Variants in WNT2B observed in about 807,000 individuals in gnomAD.
WNT2B encodes protein Wnt-2b.
Under a neutral mutation model 40.5 loss-of-function variants are expected in WNT2B, and 19 were observed. The observed-to-expected ratio is 0.47, with a 90% CI of 0.33 to 0.69. WNT2B has a LOEUF of 0.69. Among genes scored for constraint, WNT2B ranks in the 30% least tolerant of loss-of-function variants. The pLI is 0.02. For synonymous variants in WNT2B, 220 were observed against 211.9 expected, an observed-to-expected ratio of 1.04 and a Z score of -0.33; for missense variants, 467 against 556.4, an observed-to-expected ratio of 0.84 and a Z score of 1.62.
At chr1:112,494,389 G>A (rs1651704671) in intron 1 of WNT2B, among the ~76,000 whole-genome samples, 1 of 151,260 alleles carries the variant, frequency 6.6e-6, no homozygotes, top group East Asian at 1.9e-4. Context: ...TATATTTTAA[G>A]ACACGGTCTT....
intron 1 of WNT2B, among the ~76,000 whole-genome samples, chr1:112,480,238 G>T (rs1651183567): frequency 6.6e-6 from 1 of 151,740 alleles, no homozygotes; most frequent in African/African-American, 2.4e-5. Flanking sequence ...GTGGTGGCAG[G>T]CACTTATAAT....
At chr1:112,484,286 T>TATATATACAC (rs1651341699) in intron 1 of WNT2B, among the ~76,000 whole-genome samples, 1 of 116,860 alleles carries the variant, frequency 8.6e-6, no homozygotes, top group African/African-American at 3.4e-5. Flanking sequence ...TATATATATA[T>TATATATACAC]ATATACACAC....
chr1:112,469,062 G>T (rs1365625615), intron 1 of WNT2B, among the ~76,000 whole-genome samples: 1 of 152,148 alleles, frequency 6.6e-6, no homozygotes, highest in East Asian at 1.9e-4. Flanking sequence ...TGAAGAGGGT[G>T]TTCTTTCCCC....
intron 1 of WNT2B, among the ~76,000 whole-genome samples, chr1:112,484,208 TATATATATACACATATATATATACAC>T (rs1415575551): frequency 5.9e-5 from 8 of 136,648 alleles, no homozygotes; most frequent in African/African-American, 9.0e-5. Context: ...AAAAATTTTA[TATATATATACACATATATATATACAC>T]ATATATATAC....
chr1:112,514,698 T>C lies in WNT2B; in HGVS notation c.183-176T>C, dbSNP rs767868720. On this transcript the variant is annotated intron_variant, in intron 1 of 4. Transcript: ENST00000369684. ...ACTCTCTCTGCAACTGTATAACTAT[T>C]AATACTTCTTCAGAACTGTGGGAAA... 4.6e-6 allele frequency: 3 copies of C among 653,292 alleles called. No homozygotes were observed. The Admixed American group carries it at 7.4e-5, about 16-fold the overall frequency. 40.5% of individuals were successfully genotyped at this position (653,292 alleles called of 1,614,324 possible).
chr1:112,524,575 C>G lies in WNT2B; in HGVS notation c.*4066C>G, dbSNP rs1653125693. On this transcript the variant is annotated 3_prime_UTR_variant, in exon 5 of 5. Transcript: ENST00000369684. ...GGAGAGCTTCACATTACACAGAGACCTGTAGCTCACACCTGGTTATTGATG... is the reference window on the plus strand; with the variant it reads ...GGAGAGCTTCACATTACACAGAGACGTGTAGCTCACACCTGGTTATTGATG... 1 of 152,664 alleles carries G rather than the reference C, an allele frequency of 6.6e-6. No homozygotes were observed. Among genetic ancestry groups the G allele is most frequent in the African/African-American group, 2.4e-5 (1 of 41,436 alleles). The allele number at this position is 152,664 out of a possible 1,614,324, so 9.5% of individuals were successfully genotyped here.
chr1:112,485,156 T>A lies in WNT2B; in HGVS notation c.-95+17565T>A, dbSNP rs138029865. Among the ~76,000 whole-genome samples the A allele has an allele frequency of 3.0e-3, 460 of 152,322 alleles. 2 individuals carry two copies. The highest frequency in any genetic ancestry group is 0.01 in the African/African-American group (435 of 41,578). ...TGTCACTATCTAACTTCAAAGCTTT[T>A]TATAAAGTTATAGTCGTCAGGCCTG... On this transcript the variant is annotated intron_variant, in intron 1 of 4. Coordinates refer to the WNT2B transcript ENST00000256640.
upstream of WNT2B, among the ~76,000 whole-genome samples, chr1:112,508,249 G>T (rs764338052): frequency 1.3e-4 from 20 of 151,828 alleles, no homozygotes; most frequent in Non-Finnish European, 2.9e-5. The surrounding 1 kb of genome is among the most constrained non-coding windows in gnomAD (Gnocchi z 4.2). Context: ...ACTGAGCTCC[G>T]CTGAGCCCAG....
At position 112,520,777 on chromosome 1, in the gene WNT2B, A is replaced by G; in HGVS notation, c.*268A>G. On this transcript the variant is annotated 3_prime_UTR_variant, in exon 5 of 5. Coordinates refer to ENST00000369684, the MANE Select transcript of WNT2B (RefSeq NM_024494.3). The stretch of plus-strand genomic sequence containing the variant: ...AGAGTAGAAGAGATAGGGGGTCTTT[A>G]GAGTGAAATGAGTTGCACTAAAGTA... 1 of 509,406 alleles carries G rather than the reference A, an allele frequency of 2.0e-6. No homozygotes were observed. The highest frequency in any genetic ancestry group is 3.5e-6 in the Non-Finnish European group (1 of 286,442). The allele number at this position is 509,406 out of a possible 1,614,324, so 31.6% of individuals were successfully genotyped here. A position where few individuals can be genotyped will look rare whatever the true frequency, so the allele number is the denominator to read the frequency against.
intron 1 of WNT2B, among the ~76,000 whole-genome samples, chr1:112,499,779 A>G (rs1651889758): frequency 2.0e-5 from 3 of 152,240 alleles, no homozygotes; most frequent in South Asian, 4.1e-4. Context: ...AGAAAGAAAA[A>G]TAACTCAGAC....
intron 1 of WNT2B, among the ~76,000 whole-genome samples, chr1:112,503,202 C>T (rs1267175688): frequency 6.6e-6 from 1 of 152,112 alleles, no homozygotes; most frequent in African/African-American, 2.4e-5. Context: ...ACTGGAGTCC[C>T]TGGGATACTG....
In WNT2B at chr1:112,509,066, C is replaced by G. The variant is rs537032799; in HGVS notation, c.-197C>G. The G allele has an allele frequency of 1.6e-4, 223 of 1,353,234 alleles. 2 individuals are homozygous for G. In the Admixed American group the frequency reaches 7.4e-3, roughly 45 times the overall value. The allele number at this position is 1,353,234 out of a possible 1,614,324, so 83.8% of individuals were successfully genotyped here. ...GACCCCGGGTTCGGCACGCCGTCGT[C>G]GGCTTCCGGACATCGCAACTTGCGC... On this transcript the variant is annotated 5_prime_UTR_variant, in exon 1 of 5. Transcript: ENST00000369684. The surrounding 1 kb of genome is among the most constrained non-coding windows in gnomAD (Gnocchi z 4.2).
rs149843596 is a variant in WNT2B, at chr1:112,486,844, G to A, written c.-95+19253G>A. Reference sequence around the variant, plus strand: ...AACTTTTTATATTATGTGTTGACGAGAATGTAGAGCAACTAGAACTGCAAA... The same window carrying A: ...AACTTTTTATATTATGTGTTGACGAAAATGTAGAGCAACTAGAACTGCAAA... On this transcript the variant is annotated intron_variant, in intron 1 of 4. Transcript: ENST00000256640. 3.0e-3 allele frequency among the ~76,000 whole-genome samples: 459 copies of A among 152,248 alleles called. 2 individuals are homozygous for A. Among genetic ancestry groups the A allele is most frequent in the African/African-American group, 0.01 (434 of 41,558 alleles).
rs1653002076 is a variant in WNT2B at position 112,523,618 on chromosome 1, T to C, written c.*3109T>C. On this transcript the variant is annotated 3_prime_UTR_variant, in exon 5 of 5. Coordinates refer to ENST00000369684, the MANE Select transcript of WNT2B (RefSeq NM_024494.3). Reference sequence around the variant, plus strand: ...ATCACCCCTTCTCCCAGCCCTCTTCTATTTGATAGAGGTCTGTCCCTCAGA... The same window carrying C: ...ATCACCCCTTCTCCCAGCCCTCTTCCATTTGATAGAGGTCTGTCCCTCAGA... 6.6e-6 allele frequency: 1 copy of C among 152,204 alleles called. No individual in the cohort carries two copies. Among genetic ancestry groups the C allele is most frequent in the Non-Finnish European group, 1.5e-5 (1 of 68,042 alleles). The allele number at this position is 152,204 out of a possible 1,614,324, so 9.4% of individuals were successfully genotyped here. A position where few individuals can be genotyped will look rare whatever the true frequency, so the allele number is the denominator to read the frequency against.
At chr1:112,482,413 G>A (rs1214708514) in intron 1 of WNT2B, among the ~76,000 whole-genome samples, 1 of 152,198 alleles carries the variant, frequency 6.6e-6, no homozygotes, top group African/African-American at 2.4e-5. Context: ...ATAGCTCACT[G>A]TAGTCTTAAA....
chr1:112,505,921 C>T (rs540463553), upstream of WNT2B, among the ~76,000 whole-genome samples: 7 of 152,236 alleles, frequency 4.6e-5, no homozygotes, highest in East Asian at 9.7e-4. Context: ...TCACCCACTT[C>T]CTTCCCTCTC....
chr1:112,484,258 CATATATATATACACATAT>C (rs1651334337), intron 1 of WNT2B, among the ~76,000 whole-genome samples: 1 of 110,464 alleles, frequency 9.1e-6, no homozygotes, highest in South Asian at 2.9e-4. Context: ...TATATATACA[CATATATATATACACATAT>C]ATATATATAT....
chr1:112,509,471 G>A lies in WNT2B; in HGVS notation c.182+27G>A. 6.5e-7 allele frequency: 1 copy of A among 1,544,348 alleles called. No homozygotes were observed. The highest frequency in any genetic ancestry group is 8.6e-7 in the Non-Finnish European group (1 of 1,160,596). On this transcript the variant is annotated intron_variant, in intron 1 of 4. Transcript: ENST00000369684. This position sits in a 1 kb window ranked among gnomAD's most constrained non-coding sequence, Gnocchi z 4.2. ...TAAGTGTGGCTCTCAGGCTGGGCGGGTGAGGCGCTTGGTAGGAGAGGCCGG... is the reference window on the plus strand; with the variant it reads ...TAAGTGTGGCTCTCAGGCTGGGCGGATGAGGCGCTTGGTAGGAGAGGCCGG...
chr1:112,472,894 T>C (rs1570759461), intron 1 of WNT2B, among the ~76,000 whole-genome samples: 1 of 147,374 alleles, frequency 6.8e-6, no homozygotes, highest in Admixed American at 6.8e-5. Context: ...GCTTGGGAGA[T>C]TGATGCTGCC....
Sources: allele counts gnomAD v4.1 joint callset (sites outside exome capture counted in the v4.1 genomes callset), GRCh38; gene constraint gnomAD v4.1.1; non-coding constraint Gnocchi (gnomAD v3.1); transcripts MANE v1.5; gene names NCBI Gene and HGNC (gene_info 2026-07-23, HGNC 2026-07-21).